The following ASCC3 variants were observed in gnomAD, a reference collection of about 807,000 sequenced individuals.
ASCC3 encodes ASC-1 complex subunit P200.
A neutral mutation model predicts 256.3 loss-of-function variants in ASCC3; 158 were observed. That is an observed-to-expected ratio of 0.62 (90% CI 0.54 to 0.70). The LOEUF is 0.70. Ranked by LOEUF, ASCC3 falls within the 30% of genes least tolerant of loss-of-function variation. ASCC3 has a pLI of 0.00. For missense variants in ASCC3, 2,259 were observed against 2,626.0 expected (o/e 0.86, Z 3.05); for synonymous variants, 948 against 883.4 (o/e 1.07, Z -1.30).
Position 100,600,387 on chromosome 6 carries a change from T to C in ASCC3, c.5303+1423A>G, listed in dbSNP as rs75280400. On this transcript the variant is annotated intron_variant, in intron 34 of 41. Coordinates refer to ENST00000369162, the MANE Select transcript of ASCC3 (RefSeq NM_006828.4). ...AGATTGGGCTAGAATAAATGTGAAG[T>C]CTATTCCATGATTCTAATCCTGTAA... is the stretch of plus-strand genomic sequence containing the variant. Among the ~76,000 whole-genome samples, 127 of 152,258 alleles carry C rather than the reference T, an allele frequency of 8.3e-4. 1 individual carries two copies. The highest frequency in any genetic ancestry group is 3.4e-3 in the Middle Eastern group (1 of 294).
Position 100,823,489 on chromosome 6 carries a change from G to A in ASCC3, c.802-17609C>T, listed in dbSNP as rs528669674. On this transcript the variant is annotated intron_variant, in intron 4 of 41. Coordinates refer to ENST00000369162, the MANE Select transcript of ASCC3 (RefSeq NM_006828.4). ...TTCACTATTCTGGCAATAAACTAAA[G>A]ATATGAGATTTAAGGGAGACACAGT... Among the ~76,000 whole-genome samples, 4 of 152,264 alleles carry A rather than the reference G, an allele frequency of 2.6e-5. No homozygotes were observed. The South Asian group carries it at 8.3e-4, about 31-fold the overall frequency.
At chr6:100,613,247 C>T (rs1292407563) in intron 30 of ASCC3, among the ~76,000 whole-genome samples, 5 of 151,812 alleles carry the variant, frequency 3.3e-5, no homozygotes, top group Non-Finnish European at 7.4e-5. Flanking sequence ...AGTCTACCTC[C>T]CTCCTACTCT....
At chr6:100,781,390 T>C (rs1451802872) in intron 8 of ASCC3, among the ~76,000 whole-genome samples, 1 of 152,096 alleles carries the variant, frequency 6.6e-6, no homozygotes, top group Non-Finnish European at 1.5e-5. Context: ...TGTTTCGTTT[T>C]GTTTTGTTTT....
intron 10 of ASCC3, among the ~76,000 whole-genome samples, chr6:100,740,720 C>T (rs1156670055): frequency 2.6e-5 from 4 of 152,158 alleles, no homozygotes; most frequent in African/African-American, 9.7e-5. Context: ...TTGTCAGAAA[C>T]TAGGAATGGC....
chr6:100,877,093 C>T (rs1486896655), intron 1 of ASCC3, among the ~76,000 whole-genome samples: 2 of 152,076 alleles, frequency 1.3e-5, no homozygotes, highest in Non-Finnish European at 2.9e-5. Flanking sequence ...GGTCTGACTG[C>T]TTGATAGCAA....
Position 100,802,353 on chromosome 6 carries a change from A to ATGCTCC in ASCC3, c.923-1855_923-1850dup, listed in dbSNP as rs376834414. Among the ~76,000 whole-genome samples, 463 of 151,726 alleles carry ATGCTCC rather than the reference A, an allele frequency of 3.1e-3. 2 individuals carry two copies. Among genetic ancestry groups the ATGCTCC allele is most frequent in the African/African-American group, 0.011 (441 of 41,394 alleles). ...TGTGTAGAGCCTCCCCCTTGCTCTC[A>ATGCTCC]TGCTCCTGCTCCTGATGTGTAAGAT... On this transcript the variant is annotated intron_variant, in intron 5 of 41. Transcript: ENST00000369162.
chr6:100,801,071 G>T (rs1171295798), intron 5 of ASCC3, among the ~76,000 whole-genome samples: 2 of 151,938 alleles, frequency 1.3e-5, no homozygotes, highest in African/African-American at 2.4e-5. Context: ...CCTTTTTACG[G>T]AAACACAGTT....
At chr6:100,689,301 C>T (rs1051764753) in intron 13 of ASCC3, among the ~76,000 whole-genome samples, 11 of 152,178 alleles carry the variant, frequency 7.2e-5, no homozygotes, top group Non-Finnish European at 8.8e-5. Flanking sequence ...AGGTACAATA[C>T]ACGTTATCTT....
At chr6:100,550,741 C>CTGT (rs1452381397) in intron 36 of ASCC3, among the ~76,000 whole-genome samples, 1 of 151,960 alleles carries the variant, frequency 6.6e-6, no homozygotes, top group East Asian at 1.9e-4. Flanking sequence ...TGTGACTCTA[C>CTGT]TGTTCTCTTC....
intron 4 of ASCC3, among the ~76,000 whole-genome samples, chr6:100,839,478 G>C (rs1005364709): frequency 1.3e-5 from 2 of 152,082 alleles, no homozygotes; most frequent in African/African-American, 4.8e-5. Context: ...CTCATTGTGA[G>C]CTTAATATAT....
intron 13 of ASCC3, among the ~76,000 whole-genome samples, chr6:100,683,702 G>C (rs1777419383): frequency 6.6e-6 from 1 of 152,082 alleles, no homozygotes; most frequent in African/African-American, 2.4e-5. Context: ...ATTAAAATAA[G>C]AACAGAATAG....
intron 3 of ASCC3, among the ~76,000 whole-genome samples, chr6:100,862,496 C>T (rs755953239): frequency 1.8e-4 from 27 of 152,046 alleles, no homozygotes; most frequent in Middle Eastern, 3.4e-3. Flanking sequence ...GTCTATGAGA[C>T]GTAACAGAAA....
Position 100,705,209 on chromosome 6 carries a change from A to C in ASCC3, c.2151+10253T>G, listed in dbSNP as rs117170153. On this transcript the variant is annotated intron_variant, in intron 13 of 41. Coordinates refer to ENST00000369162, the MANE Select transcript of ASCC3 (RefSeq NM_006828.4). ...GAAAAGATTTTCTCCATCTGTCATC[A>C]CACATGCCTGAGTGGAACACAACTG... Among the ~76,000 whole-genome samples, 384 of 152,168 alleles carry C rather than the reference A, an allele frequency of 2.5e-3. 8 individuals carry two copies. The highest frequency in any genetic ancestry group is 0.018 in the South Asian group (85 of 4,820).
chr6:100,647,026 T>C (rs1456478302), intron 21 of ASCC3, among the ~76,000 whole-genome samples, 200 bp downstream of exon 21: 2 of 152,182 alleles, frequency 1.3e-5, no homozygotes, highest in African/African-American at 2.4e-5. Context: ...TGAGACTTGA[T>C]AGTGTTTAAA....
rs6932282 is a variant in ASCC3 at position 100,592,420 on chromosome 6, T to G, written c.5304-2361A>C. 5.2e-3 allele frequency among the ~76,000 whole-genome samples: 789 copies of G among 152,108 alleles called. 6 individuals carry two copies. The highest frequency in any genetic ancestry group is 0.018 in the African/African-American group (758 of 41,542). ...ACCAAATACTATTCTTGGTCAATATTTGGACTGAGATTCTAAAGTCATTTA... is the reference window on the plus strand; with the variant it reads ...ACCAAATACTATTCTTGGTCAATATGTGGACTGAGATTCTAAAGTCATTTA... On this transcript the variant is annotated intron_variant, in intron 34 of 41. Coordinates refer to ENST00000369162, the MANE Select transcript of ASCC3 (RefSeq NM_006828.4).
intron 4 of ASCC3, among the ~76,000 whole-genome samples, chr6:100,843,188 T>C (rs1772227589): frequency 6.6e-6 from 1 of 152,190 alleles, no homozygotes; most frequent in African/African-American, 2.4e-5. Flanking sequence ...AAGCTAATTA[T>C]TCTCCACCAA....
chr6:100,862,744 A>G (rs889568776), intron 3 of ASCC3, among the ~76,000 whole-genome samples: 3 of 152,210 alleles, frequency 2.0e-5, no homozygotes, highest in African/African-American at 7.2e-5. Flanking sequence ...GTGATAATAA[A>G]CAAGTAAAAT....
intron 36 of ASCC3, among the ~76,000 whole-genome samples, chr6:100,552,124 G>T (rs1769331634): frequency 6.6e-6 from 1 of 151,558 alleles, no homozygotes; most frequent in Non-Finnish European, 1.5e-5. Flanking sequence ...AAGATGTGCT[G>T]TAAATGTTAG....
chr6:100,693,247 C>T (rs1195770429), intron 13 of ASCC3, among the ~76,000 whole-genome samples: 1 of 151,822 alleles, frequency 6.6e-6, no homozygotes, highest in Non-Finnish European at 1.5e-5. Context: ...AAGCATTTAG[C>T]CAAACCAACA....
Sources: allele counts gnomAD v4.1 joint callset (sites outside exome capture counted in the v4.1 genomes callset), GRCh38; gene constraint gnomAD v4.1.1; transcripts MANE v1.5; gene names NCBI Gene and HGNC (gene_info 2026-07-23, HGNC 2026-07-21).